Variants in SPSB4 observed in about 807,000 individuals in gnomAD.
The protein encoded by SPSB4 is splA/ryanodine receptor domain and SOCS box containing 4.
A neutral mutation model predicts 20.9 loss-of-function variants in SPSB4; 21 were observed. The observed-to-expected ratio is 1.01, with a 90% CI of 0.71 to 1.45. The LOEUF is 1.45. Ranked by LOEUF, SPSB4 falls within the 40% of genes most tolerant of loss-of-function variation. The pLI, the probability that SPSB4 is intolerant of heterozygous loss-of-function variation, is 0.00. For missense variants in SPSB4, 399 were observed against 399.2 expected, an observed-to-expected ratio of 1.00 and a Z score of 0.00; for synonymous variants, 207 against 183.8, an observed-to-expected ratio of 1.13 and a Z score of -1.02.
intron 2 of SPSB4, among the ~76,000 whole-genome samples, chr3:141,072,791 A>G (rs933705661): frequency 6.6e-6 from 1 of 152,024 alleles, no homozygotes; most frequent in Non-Finnish European, 1.5e-5. Context: ...TGGTGAAATA[A>G]CCCCTCCTGT....
At chr3:141,091,796 G>T (rs957595404) in intron 2 of SPSB4, among the ~76,000 whole-genome samples, 1 of 152,210 alleles carries the variant, frequency 6.6e-6, no homozygotes, top group Non-Finnish European at 1.5e-5. Flanking sequence ...GTGGTACCAG[G>T]GGCCCGGGTT....
At chr3:141,114,104 T>C (rs1367823575) in intron 2 of SPSB4, among the ~76,000 whole-genome samples, 1 of 152,176 alleles carries the variant, frequency 6.6e-6, no homozygotes, top group Non-Finnish European at 1.5e-5. Context: ...ATAAAATAAA[T>C]GATTAATTTC....
chr3:141,136,599 G>C (rs568941333), intron 2 of SPSB4, among the ~76,000 whole-genome samples: 5 of 152,252 alleles, frequency 3.3e-5, no homozygotes, highest in South Asian at 2.1e-4. Flanking sequence ...AATAGGGAAT[G>C]CTTTCCCCAT....
chr3:141,126,178 G>A lies in SPSB4; in HGVS notation c.695-20964G>A, dbSNP rs564016360. Among the ~76,000 whole-genome samples the A allele has an allele frequency of 2.6e-5, 4 of 152,308 alleles. No homozygotes were observed. The East Asian group carries it at 7.7e-4, about 29-fold the overall frequency. On this transcript the variant is annotated intron_variant, in intron 2 of 2. Coordinates refer to ENST00000310546, the MANE Select transcript of SPSB4 (RefSeq NM_080862.3). The stretch of plus-strand genomic sequence containing the variant: ...CAGTGGCCTCAGACAGGAAAGAGAA[G>A]CTCAGAGAGGGAAGAAATGTAGCAT...
At chr3:141,118,676 A>G (rs1308858255) in intron 2 of SPSB4, among the ~76,000 whole-genome samples, 1 of 152,212 alleles carries the variant, frequency 6.6e-6, no homozygotes, top group East Asian at 1.9e-4. Context: ...TATAAAGTGT[A>G]AGGAAGGGAT....
At chr3:141,062,425 A>G (rs1482910154) in intron 1 of SPSB4, among the ~76,000 whole-genome samples, 2 of 152,100 alleles carry the variant, frequency 1.3e-5, no homozygotes, top group Admixed American at 1.3e-4. Flanking sequence ...TTTTTCCCAA[A>G]GAACCATCTC....
At chr3:141,098,833 A>G (rs1938579167) in intron 2 of SPSB4, among the ~76,000 whole-genome samples, 1 of 152,218 alleles carries the variant, frequency 6.6e-6, no homozygotes, top group Non-Finnish European at 1.5e-5. Flanking sequence ...CTAGAATAGA[A>G]TTCCAAAGAC....
intron 2 of SPSB4, among the ~76,000 whole-genome samples, chr3:141,071,562 T>C (rs1177434790): frequency 6.6e-6 from 1 of 152,202 alleles, no homozygotes; most frequent in African/African-American, 2.4e-5. Flanking sequence ...GAAACTGTCT[T>C]GGGAAGGTAA....
At chr3:141,130,624 G>C (rs1215562026) in intron 2 of SPSB4, among the ~76,000 whole-genome samples, 3 of 152,122 alleles carry the variant, frequency 2.0e-5, no homozygotes, top group East Asian at 3.9e-4. Flanking sequence ...ACAGGGTTGG[G>C]GTAGGGTAGT....
At chr3:141,085,884 C>T (rs62283582) in intron 2 of SPSB4, among the ~76,000 whole-genome samples, 17,126 of 152,262 alleles carry the variant, frequency 0.11, 1,089 homozygotes, top group Middle Eastern at 0.15. Flanking sequence ...CCCCAAAGCC[C>T]CAAAGCAGAG....
intron 2 of SPSB4, among the ~76,000 whole-genome samples, chr3:141,100,232 T>G (rs1938595480): frequency 6.6e-6 from 1 of 152,204 alleles, no homozygotes; most frequent in African/African-American, 2.4e-5. Flanking sequence ...ATTCATATGT[T>G]GATGTCCTAA....
chr3:141,147,180 A>G lies in SPSB4; in HGVS notation c.733A>G (p.Ile245Val), dbSNP rs1939426919. 6.2e-7 allele frequency: 1 copy of G among 1,614,198 alleles called. No homozygotes were observed. The highest frequency in any genetic ancestry group is 1.1e-5 in the South Asian group (1 of 91,082). Reference protein sequence around the residue: ...LPLMDLCRRSIRSALGRQRLQ... With the variant: ...LPLMDLCRRSVRSALGRQRLQ... Reference sequence around the variant, plus strand: ...ACTGATGGACCTGTGCCGGAGATCCATCCGCTCGGCCCTGGGCCGCCAGCG... The same window carrying G: ...ACTGATGGACCTGTGCCGGAGATCCGTCCGCTCGGCCCTGGGCCGCCAGCG... Residue 245 changes from isoleucine (I) to valine (V), a missense_variant, in exon 3 of 3, where the codon ATC (isoleucine) becomes GTC (valine). Physicochemically the swap from Ile to Val is conservative, Grantham distance 29. Transcript: ENST00000310546.
chr3:141,057,510 C>T (rs1214535884), intron 1 of SPSB4, among the ~76,000 whole-genome samples: 6 of 152,224 alleles, frequency 3.9e-5, no homozygotes, highest in African/African-American at 1.4e-4. Context: ...CGTGCTCGTG[C>T]ATTCCATAGA....
intron 2 of SPSB4, among the ~76,000 whole-genome samples, chr3:141,134,064 T>C (rs1268215658): frequency 3.5e-5 from 5 of 144,188 alleles, no homozygotes; most frequent in Admixed American, 6.9e-5. Flanking sequence ...TTCTTTTTTT[T>C]TTTTTTTTTT....
intron 2 of SPSB4, among the ~76,000 whole-genome samples, chr3:141,076,553 T>A (rs1938113671): frequency 6.6e-6 from 1 of 152,224 alleles, no homozygotes; most frequent in South Asian, 2.1e-4. Context: ...CAGCACCCTA[T>A]GCAGCATAGC....
At chr3:141,108,166 A>G (rs1027290361) in intron 2 of SPSB4, among the ~76,000 whole-genome samples, 30 of 152,074 alleles carry the variant, frequency 2.0e-4, no homozygotes, top group African/African-American at 6.8e-4. Context: ...CACCGAGCTC[A>G]GGAGCCTCTG....
intron 2 of SPSB4, among the ~76,000 whole-genome samples, chr3:141,096,845 T>C (rs902479390): frequency 6.6e-6 from 1 of 152,128 alleles, no homozygotes; most frequent in Non-Finnish European, 1.5e-5. Flanking sequence ...ACCATATGTC[T>C]CAAACATTTT....
intron 1 of SPSB4, among the ~76,000 whole-genome samples, chr3:141,060,330 T>C (rs1240421439): frequency 2.0e-5 from 3 of 152,204 alleles, no homozygotes; most frequent in African/African-American, 7.2e-5. Flanking sequence ...TGTGCAAGGA[T>C]AAAGCAGTTT....
At chr3:141,143,033 G>A (rs1055088472) in intron 2 of SPSB4, among the ~76,000 whole-genome samples, 5 of 151,816 alleles carry the variant, frequency 3.3e-5, no homozygotes, top group Admixed American at 6.6e-5. Flanking sequence ...AGCCAGGATG[G>A]TCTCCATCTC....
Sources: allele counts gnomAD v4.1 joint callset (sites outside exome capture counted in the v4.1 genomes callset), GRCh38; gene constraint gnomAD v4.1.1; transcripts MANE v1.5; gene names NCBI Gene and HGNC (gene_info 2026-07-23, HGNC 2026-07-21).